Variants in PTPRN2 observed in about 807,000 individuals in gnomAD.
PTPRN2 encodes the protein receptor-type tyrosine-protein phosphatase N2.
In PTPRN2, 74 loss-of-function variants were observed where a neutral mutation model predicts 118.8. The observed-to-expected ratio is 0.62, with a 90% CI of 0.52 to 0.76. PTPRN2 has a LOEUF of 0.76. Among genes scored for constraint, PTPRN2 ranks in the 30% least tolerant of loss-of-function variants. The probability of loss-of-function intolerance (pLI) is 0.00; values close to 1 mark genes in which losing one functional copy is unlikely to be tolerated. For missense variants in PTPRN2, 1,481 were observed against 1,394.4 expected, an observed-to-expected ratio of 1.06 and a Z score of -0.99; for synonymous variants, 641 against 608.0, an observed-to-expected ratio of 1.05 and a Z score of -0.80.
At chr7:158,164,236 G>A (rs1035720442) in intron 6 of PTPRN2, among the ~76,000 whole-genome samples, 10 of 151,564 alleles carry the variant, frequency 6.6e-5, no homozygotes, top group Admixed American at 3.3e-4. Flanking sequence ...GGAAGGGCTC[G>A]CAGAGCAGGA....
intron 12 of PTPRN2, among the ~76,000 whole-genome samples, chr7:157,759,873 A>G (rs1415663611): frequency 6.6e-6 from 1 of 151,996 alleles, no homozygotes; most frequent in Non-Finnish European, 1.5e-5. Flanking sequence ...CTTGGGGAGG[A>G]GCTGGATGGA....
intron 22 of PTPRN2, among the ~76,000 whole-genome samples, chr7:157,545,984 G>C (rs535249273): frequency 2.0e-5 from 3 of 152,240 alleles, no homozygotes; most frequent in Non-Finnish European, 1.5e-5. Flanking sequence ...GTTTAGTCTC[G>C]GGGCGATGTT....
At chr7:158,286,617 T>A (rs1336313258) in intron 3 of PTPRN2, among the ~76,000 whole-genome samples, 1 of 152,224 alleles carries the variant, frequency 6.6e-6, no homozygotes, top group East Asian at 1.9e-4. Context: ...AGATGATATA[T>A]GGTTTTTATC....
chr7:157,586,339 A>G (rs1231900695), intron 17 of PTPRN2, among the ~76,000 whole-genome samples: 1 of 152,166 alleles, frequency 6.6e-6, no homozygotes, highest in Non-Finnish European at 1.5e-5. Context: ...TTCACTCCAG[A>G]GTCAGTGAGA....
chr7:158,209,089 C>A (rs915512547), intron 3 of PTPRN2, among the ~76,000 whole-genome samples: 1 of 148,094 alleles, frequency 6.8e-6, no homozygotes, highest in Non-Finnish European at 1.5e-5. Flanking sequence ...TTAAAACATA[C>A]CACCAAAGAA....
chr7:158,378,866 A>G (rs890259017), intron 2 of PTPRN2, among the ~76,000 whole-genome samples: 1 of 152,246 alleles, frequency 6.6e-6, no homozygotes, highest in Non-Finnish European at 1.5e-5. Context: ...CAAAATTCTT[A>G]CCAGAAAAGG....
At chr7:158,188,270 C>G (rs1205129328) in intron 5 of PTPRN2, among the ~76,000 whole-genome samples, 42 of 106,278 alleles carry the variant, frequency 4.0e-4, no homozygotes, top group South Asian at 6.6e-4. Flanking sequence ...CACGCTCGCC[C>G]CCTGTATGGG....
intron 10 of PTPRN2, among the ~76,000 whole-genome samples, chr7:158,107,881 G>C: frequency 7.7e-6 from 1 of 129,680 alleles, no homozygotes; most frequent in East Asian, 2.3e-4. Flanking sequence ...CCTGCACACC[G>C]TCTGCCCACA....
intron 9 of PTPRN2, among the ~76,000 whole-genome samples, chr7:158,123,574 G>A (rs900017560): frequency 6.6e-6 from 1 of 152,130 alleles, no homozygotes; most frequent in African/African-American, 2.4e-5. Flanking sequence ...CTCGTGTGCC[G>A]CACCCAGGCC....
intron 12 of PTPRN2, among the ~76,000 whole-genome samples, chr7:157,853,635 G>A (rs745612810): frequency 9.9e-5 from 15 of 152,134 alleles, no homozygotes; most frequent in Admixed American, 7.9e-4. Context: ...GGAACTGTCC[G>A]AGGAGCCTCC....
At chr7:158,331,930 G>C (rs1308906398) in intron 2 of PTPRN2, among the ~76,000 whole-genome samples, 1 of 150,600 alleles carries the variant, frequency 6.6e-6, no homozygotes, top group Non-Finnish European at 1.5e-5. Context: ...GCCCGCAGAT[G>C]TCACTCACAC....
chr7:158,385,664 T>C (rs1563227643), intron 2 of PTPRN2, among the ~76,000 whole-genome samples: 1 of 152,196 alleles, frequency 6.6e-6, no homozygotes, highest in African/African-American at 2.4e-5. Context: ...AGTTTACAAA[T>C]GCTGGCATAC....
intron 12 of PTPRN2, among the ~76,000 whole-genome samples, chr7:157,737,972 A>T (rs1219295176): frequency 1.3e-5 from 2 of 152,156 alleles, no homozygotes; most frequent in Non-Finnish European, 2.9e-5. Flanking sequence ...GTCAGAAGAG[A>T]GGGCTCTGCC....
intron 15 of PTPRN2, among the ~76,000 whole-genome samples, chr7:157,612,829 A>G (rs1802453273): frequency 6.6e-6 from 1 of 152,122 alleles, no homozygotes; most frequent in Non-Finnish European, 1.5e-5. Flanking sequence ...GTCAAAGGGC[A>G]TCCACAGAGG....
chr7:158,441,883 AGTG>A, intron 2 of PTPRN2, among the ~76,000 whole-genome samples: 1 of 37,690 alleles, frequency 2.7e-5, no homozygotes, highest in African/African-American at 1.1e-4. Context: ...TGGTGGTGAT[AGTG>A]ATAGTGATGG....
chr7:158,123,693 G>A (rs535253365), intron 9 of PTPRN2, among the ~76,000 whole-genome samples: 6 of 152,312 alleles, frequency 3.9e-5, no homozygotes, highest in South Asian at 4.1e-4. Context: ...TTTGGCATAA[G>A]GATGAGACTG....
chr7:157,816,448 G>A (rs532083418), intron 12 of PTPRN2, among the ~76,000 whole-genome samples: 22 of 152,388 alleles, frequency 1.4e-4, no homozygotes, highest in Admixed American at 3.9e-4. Context: ...AGCCAGCCTG[G>A]ATCTCAGAGT....
intron 21 of PTPRN2, among the ~76,000 whole-genome samples, chr7:157,556,513 C>T (rs1182339044): frequency 6.6e-6 from 1 of 151,380 alleles, no homozygotes; most frequent in East Asian, 1.9e-4. Context: ...CACACACAGG[C>T]ATGCACACAC....
At chr7:158,587,062 GT>G (rs1278078386) in intron 1 of PTPRN2, among the ~76,000 whole-genome samples, 1 of 151,964 alleles carries the variant, frequency 6.6e-6, no homozygotes, top group East Asian at 1.9e-4. Context: ...GCCTGGGGGT[GT>G]CGCGCTGGAA....
Sources: allele counts gnomAD v4.1 joint callset (sites outside exome capture counted in the v4.1 genomes callset), GRCh38; gene constraint gnomAD v4.1.1; transcripts MANE v1.5; gene names NCBI Gene and HGNC (gene_info 2026-07-23, HGNC 2026-07-21).